The following DIAPH2 variants were observed in gnomAD, a reference collection of about 807,000 sequenced individuals.
The protein encoded by DIAPH2 is diaphanous related formin 2.
DIAPH2 carries 35 observed loss-of-function variants against 92.7 expected under a neutral mutation model. The observed-to-expected ratio is 0.38, with a 90% CI of 0.29 to 0.50. DIAPH2 has a LOEUF of 0.50. Among genes scored for constraint, DIAPH2 ranks in the 20% least tolerant of loss-of-function variants. DIAPH2 has a pLI of 0.94. For missense variants in DIAPH2, 701 were observed against 819.5 expected (o/e 0.86, Z 1.77); for synonymous variants, 301 against 280.4 (o/e 1.07, Z -0.73).
intron 19 of DIAPH2, among the ~76,000 whole-genome samples, chrX:97,098,676 C>T (rs1013329819): frequency 4.4e-5 from 5 of 112,438 alleles, no homozygotes; most frequent in Non-Finnish European, 7.5e-5. Flanking sequence ...CCACCTGCCT[C>T]GGCCTCCCAA....
chrX:97,473,659 G>A (rs1020693254), intron 26 of DIAPH2, among the ~76,000 whole-genome samples: 11 of 112,199 alleles, frequency 9.8e-5, no homozygotes, highest in African/African-American at 3.6e-4. Flanking sequence ...GATTTTAAAT[G>A]GTAAGAAAAC....
chrX:97,323,913 A>T (rs193067428), intron 23 of DIAPH2, among the ~76,000 whole-genome samples: 2,730 of 109,282 alleles, frequency 0.025, 77 homozygotes, highest in African/African-American at 0.085. Flanking sequence ...CAAAAAAAAA[A>T]AAAAAAAAAA....
intron 26 of DIAPH2, among the ~76,000 whole-genome samples, chrX:97,493,864 G>C (rs936150200): frequency 2.8e-5 from 3 of 107,668 alleles, no homozygotes; most frequent in Non-Finnish European, 5.7e-5. Flanking sequence ...TCTAGTCTGG[G>C]TGACAGAGTG....
chrX:97,070,214 C>T lies in DIAPH2; in HGVS notation c.2051-2727C>T, dbSNP rs138134652. Among the ~76,000 whole-genome samples the T allele has an allele frequency of 4.1e-3, 458 of 110,426 alleles. 2 individuals carry two copies. The highest frequency in any genetic ancestry group is 0.014 in the African/African-American group (437 of 30,437). On this transcript the variant is annotated intron_variant, in intron 17 of 26. Coordinates refer to ENST00000324765, the MANE Select transcript of DIAPH2 (RefSeq NM_006729.5). ...TTTGCAATATGTTTTTTCATTTGTA[C>T]GGGGAAGGTCTCGTTTGACTGTGGG...
intron 4 of DIAPH2, among the ~76,000 whole-genome samples, chrX:96,819,118 C>A (rs915969386): frequency 8.9e-6 from 1 of 112,341 alleles, no homozygotes; most frequent in African/African-American, 3.2e-5. Flanking sequence ...TGGTTCCTAA[C>A]AAGCCACAGT....
intron 24 of DIAPH2, among the ~76,000 whole-genome samples, chrX:97,357,578 C>A (rs192712471): frequency 1.2e-3 from 135 of 110,633 alleles, no homozygotes; most frequent in Non-Finnish European, 2.1e-4. Context: ...ATACCTCCAT[C>A]TTAGCACATT....
intron 25 of DIAPH2, among the ~76,000 whole-genome samples, chrX:97,400,419 A>C (rs1425725097): frequency 8.0e-5 from 9 of 112,008 alleles, no homozygotes; most frequent in African/African-American, 2.3e-4. Flanking sequence ...TTGACAAATA[A>C]ATTGTACATA....
chrX:97,005,173 T>A (rs751956259), intron 17 of DIAPH2, among the ~76,000 whole-genome samples: 1 of 111,964 alleles, frequency 8.9e-6, no homozygotes, highest in African/African-American at 3.2e-5. Flanking sequence ...ATGATTTTTC[T>A]AATGTATTGT....
intron 26 of DIAPH2, among the ~76,000 whole-genome samples, chrX:97,593,935 A>T (rs1389928018): frequency 1.8e-5 from 2 of 111,656 alleles, no homozygotes; most frequent in Non-Finnish European, 3.8e-5. Flanking sequence ...ACATTTTTAA[A>T]AAGATTAATA....
At chrX:97,358,240 G>C (rs781732539) in intron 24 of DIAPH2, among the ~76,000 whole-genome samples, 5 of 111,839 alleles carry the variant, frequency 4.5e-5, no homozygotes, top group South Asian at 3.7e-4. Flanking sequence ...GACTTGCCTG[G>C]TGTTAATTTA....
chrX:96,746,619 T>G (rs1043310021), intron 3 of DIAPH2, among the ~76,000 whole-genome samples: 4 of 110,967 alleles, frequency 3.6e-5, no homozygotes, highest in South Asian at 7.7e-4. Context: ...AGTGGTGTGA[T>G]CATGGCTCAC....
Position 97,603,499 on chromosome X carries a change from A to G in DIAPH2, c.*4182A>G, listed in dbSNP as rs2071606407. Reference sequence around the variant, plus strand: ...GCTCTCGAACTCCTAGCCTCAAGCAATCCACCCATCTTGGCCTCCTAAAGT... The same window carrying G: ...GCTCTCGAACTCCTAGCCTCAAGCAGTCCACCCATCTTGGCCTCCTAAAGT... On this transcript the variant is annotated 3_prime_UTR_variant, in exon 27 of 27. Transcript: ENST00000324765. The G allele has an allele frequency of 9.0e-6, 1 of 111,463 alleles. No homozygotes were observed. Among genetic ancestry groups the G allele is most frequent in the Non-Finnish European group, 1.9e-5 (1 of 53,113 alleles). The allele number at this position is 111,463 out of a possible 1,213,427, so 9.2% of individuals were successfully genotyped here.
At chrX:97,113,777 A>C (rs2066998942) in intron 20 of DIAPH2, among the ~76,000 whole-genome samples, 1 of 111,869 alleles carries the variant, frequency 8.9e-6, no homozygotes, top group Admixed American at 9.5e-5. Context: ...TGTACTTGGC[A>C]TTTGTATTTA....
chrX:97,179,293 G>A lies in DIAPH2; in HGVS notation c.2719+37499G>A, dbSNP rs1402993253. On this transcript the variant is annotated intron_variant, in intron 22 of 26. Coordinates refer to ENST00000324765, the MANE Select transcript of DIAPH2 (RefSeq NM_006729.5). ...CCGGGATATATGTGCAGAACATGCA[G>A]GTTTGTTACATAGGTATACATGTGC... Among the ~76,000 whole-genome samples, 11 of 105,365 alleles carry A rather than the reference G, an allele frequency of 1.0e-4. No individual in the cohort carries two copies. In the Admixed American group the frequency reaches 1.1e-3, roughly 11 times the overall value. 91.5% of individuals were successfully genotyped at this position (105,365 alleles called of 115,157 possible).
chrX:97,400,992 C>G (rs372660082), intron 25 of DIAPH2, among the ~76,000 whole-genome samples: 1 of 108,874 alleles, frequency 9.2e-6, no homozygotes, highest in South Asian at 4.1e-4. Context: ...TCAGCCTCCC[C>G]ACTAGCTAGG....
chrX:96,956,944 A>G (rs1031215813), intron 15 of DIAPH2, among the ~76,000 whole-genome samples: 3 of 112,466 alleles, frequency 2.7e-5, no homozygotes, highest in African/African-American at 9.7e-5. Flanking sequence ...GAAGCACCCA[A>G]CTATCCGGTG....
chrX:96,756,259 C>T (rs1202350894), intron 3 of DIAPH2, among the ~76,000 whole-genome samples: 1 of 110,855 alleles, frequency 9.0e-6, no homozygotes, highest in East Asian at 2.8e-4. Context: ...AACACCATAC[C>T]CATAATCAGT....
At chrX:97,106,235 T>C (rs1272770875) in intron 20 of DIAPH2, among the ~76,000 whole-genome samples, 1 of 111,765 alleles carries the variant, frequency 8.9e-6, no homozygotes, top group African/African-American at 3.2e-5. Flanking sequence ...TGATTTGTAA[T>C]GCCCTGATTG....
intron 22 of DIAPH2, among the ~76,000 whole-genome samples, chrX:97,207,509 A>G (rs1307461444): frequency 9.0e-6 from 1 of 111,654 alleles, no homozygotes; most frequent in African/African-American, 3.3e-5. Flanking sequence ...AATTCATTTA[A>G]TCTTTACCAG....
Sources: allele counts gnomAD v4.1 joint callset (sites outside exome capture counted in the v4.1 genomes callset), GRCh38; gene constraint gnomAD v4.1.1; transcripts MANE v1.5; gene names NCBI Gene and HGNC (gene_info 2026-07-23, HGNC 2026-07-21).